GTF2H3: variants seen among roughly 807,000 people sequenced by gnomAD.
GTF2H3 encodes the protein general transcription factor IIH subunit 3.
Under a neutral mutation model 51.1 loss-of-function variants are expected in GTF2H3, and 42 were observed. The ratio of observed to expected loss-of-function variants is 0.82; its 90% CI spans 0.64 to 1.06. GTF2H3 has a LOEUF of 1.06. GTF2H3 is among the 50% of genes least tolerant of loss of function. The pLI, the probability that GTF2H3 is intolerant of heterozygous loss-of-function variation, is 0.00. For missense variants in GTF2H3, 326 were observed against 366.1 expected, an observed-to-expected ratio of 0.89 and a Z score of 0.89; for synonymous variants, 123 against 123.8, an observed-to-expected ratio of 0.99 and a Z score of 0.04.
chr12:123,645,839 G>A (rs550435826), intron 3 of GTF2H3, among the ~76,000 whole-genome samples: 4 of 152,098 alleles, frequency 2.6e-5, no homozygotes, highest in South Asian at 2.1e-4. Flanking sequence ...CTATCAAATC[G>A]GACAGCTACT....
Position 123,655,755 on chromosome 12 carries a change from A to G in GTF2H3, c.562-16A>G. On this transcript the variant is annotated splice_polypyrimidine_tract_variant and intron_variant, in intron 8 of 12. Transcript: ENST00000543341. ...TTGTTATTATTCCTGTAATATTTTC[A>G]AAATGTTTCTTTTAGAATATTTTGA... is the stretch of plus-strand genomic sequence containing the variant. 6.7e-7 allele frequency: 1 copy of G among 1,500,666 alleles called. No individual in the cohort carries two copies. Among genetic ancestry groups the G allele is most frequent in the Non-Finnish European group, 9.3e-7 (1 of 1,078,184 alleles). The allele number at this position is 1,500,666 out of a possible 1,614,324, so 93.0% of individuals were successfully genotyped here.
At chr12:123,637,093 CATAA>C (rs1277144518) in intron 1 of GTF2H3, among the ~76,000 whole-genome samples, 4 of 152,080 alleles carry the variant, frequency 2.6e-5, no homozygotes, top group Non-Finnish European at 5.9e-5. Flanking sequence ...TTTAAAAATA[CATAA>C]ATAAATAAAT....
intron 1 of GTF2H3, among the ~76,000 whole-genome samples, chr12:123,636,158 TA>T (rs1378709487): frequency 6.6e-6 from 1 of 152,106 alleles, no homozygotes; most frequent in Non-Finnish European, 1.5e-5. Flanking sequence ...CTATTCAATG[TA>T]AAAAACAAGG....
intron 4 of GTF2H3, chr12:123,648,347 C>T (rs1027226556): frequency 3.8e-5 from 14 of 370,744 alleles, no homozygotes; most frequent in Non-Finnish European, 5.7e-5. Context: ...TTGGCTTCTA[C>T]GAATGCCCTG....
Position 123,647,820 on chromosome 12 carries a change from A to T in GTF2H3, c.201-143A>T, listed in dbSNP as rs559527771. ...TAATTTTATCTTACACATTTTTTTT[A>T]AAAAATGAAATTTACCGTGGAATCT... On this transcript the variant is annotated intron_variant, in intron 3 of 12. Coordinates refer to ENST00000543341, the MANE Select transcript of GTF2H3 (RefSeq NM_001516.5). The T allele has an allele frequency of 1.5e-4, 73 of 500,230 alleles. No individual in the cohort carries two copies. The South Asian group carries it at 1.8e-3, about 12-fold the overall frequency. The allele number at this position is 500,230 out of a possible 1,614,324, so 31.0% of individuals were successfully genotyped here.
At chr12:123,654,315 A>T (rs1593810823) in intron 7 of GTF2H3, among the ~76,000 whole-genome samples, 1 of 146,278 alleles carries the variant, frequency 6.8e-6, no homozygotes, top group African/African-American at 2.5e-5. Flanking sequence ...GGGGCTGTGT[A>T]TTTGGTTGTG....
At chr12:123,656,601 T>A (rs961613639) in intron 9 of GTF2H3, among the ~76,000 whole-genome samples, 2 of 152,142 alleles carry the variant, frequency 1.3e-5, no homozygotes, top group African/African-American at 2.4e-5. Context: ...CTGGCAGGCA[T>A]CTTCAGTGTC....
chr12:123,659,504 T>A lies in GTF2H3; in HGVS notation c.616-12T>A, dbSNP rs1482038566. On this transcript the variant is annotated splice_polypyrimidine_tract_variant and intron_variant, in intron 9 of 12. Coordinates refer to ENST00000543341, the MANE Select transcript of GTF2H3 (RefSeq NM_001516.5). ...AGTGCGAGTTTGGCAGCAAGCCGCC[T>A]GTGTCTTGCAGGCTTGTGACATCAC... The A allele has an allele frequency of 3.7e-6, 6 of 1,613,746 alleles. No individual in the cohort carries two copies. The highest frequency in any genetic ancestry group is 5.1e-6 in the Non-Finnish European group (6 of 1,179,746).
intron 3 of GTF2H3, among the ~76,000 whole-genome samples, chr12:123,646,255 C>CT (rs34427180): frequency 0.036 from 4,869 of 135,776 alleles, 107 homozygotes; most frequent in African/African-American, 0.054. Context: ...TCTTCTATGT[C>CT]TTTTTTTTTT....
At chr12:123,644,598 G>A (rs1955421551) in intron 2 of GTF2H3, among the ~76,000 whole-genome samples, 1 of 151,900 alleles carries the variant, frequency 6.6e-6, no homozygotes, top group African/African-American at 2.4e-5. Context: ...CCCGGGAGTT[G>A]GAGGTTGCAG....
intron 3 of GTF2H3, among the ~76,000 whole-genome samples, chr12:123,647,457 G>A (rs924292862): frequency 6.6e-6 from 1 of 151,972 alleles, no homozygotes; most frequent in Non-Finnish European, 1.5e-5. Flanking sequence ...GGGCGACACA[G>A]CGAGACTGTG....
chr12:123,638,100 C>T (rs993316999), intron 1 of GTF2H3, among the ~76,000 whole-genome samples: 2 of 151,582 alleles, frequency 1.3e-5, no homozygotes, highest in African/African-American at 2.4e-5. Context: ...CGGTCTCAAG[C>T]GATCCTCTCT....
intron 8 of GTF2H3, chr12:123,655,536 G>A: frequency 2.2e-6 from 1 of 456,774 alleles, no homozygotes; most frequent in Non-Finnish European, 3.9e-6. Flanking sequence ...AAAAGAGCCT[G>A]GACTTTGGAG....
intron 5 of GTF2H3, among the ~76,000 whole-genome samples, chr12:123,651,910 C>T (rs1477160316): frequency 2.6e-5 from 4 of 151,874 alleles, no homozygotes; most frequent in African/African-American, 9.7e-5. Context: ...GTCTTTCTGC[C>T]TTCAGGAAAC....
chr12:123,644,748 G>A (rs143891816), intron 2 of GTF2H3, among the ~76,000 whole-genome samples: 265 of 152,142 alleles, frequency 1.7e-3, no homozygotes, highest in Admixed American at 2.6e-3. Context: ...TATACCAGAC[G>A]TACAGTAGTG....
chr12:123,636,338 C>T (rs1040992510), intron 1 of GTF2H3, among the ~76,000 whole-genome samples: 10 of 152,084 alleles, frequency 6.6e-5, no homozygotes, highest in South Asian at 2.1e-4. Flanking sequence ...AAAGAGTTTG[C>T]GCTGGTTTGG....
At chr12:123,646,198 C>T (rs1390538569) in intron 3 of GTF2H3, among the ~76,000 whole-genome samples, 1 of 151,548 alleles carries the variant, frequency 6.6e-6, no homozygotes, top group Non-Finnish European at 1.5e-5. Context: ...ATTTACTTCT[C>T]ACATTATGCA....
intron 1 of GTF2H3, among the ~76,000 whole-genome samples, chr12:123,636,860 T>C (rs1593791186): frequency 6.6e-6 from 1 of 151,664 alleles, no homozygotes; most frequent in African/African-American, 2.4e-5. Flanking sequence ...GAGGTTGCGG[T>C]GAGCCGAGAT....
intron 7 of GTF2H3, among the ~76,000 whole-genome samples, chr12:123,653,488 CGTCTCTA>C (rs2135795041): frequency 6.6e-6 from 1 of 152,008 alleles, no homozygotes; most frequent in Non-Finnish European, 1.5e-5. Context: ...GGTGAAACCC[CGTCTCTA>C]GTACAAATAC....
Sources: gnomAD v4.1 joint callset for allele counts (sites outside exome capture counted in the v4.1 genomes callset) on GRCh38, gnomAD v4.1.1 for gene constraint, MANE v1.5 for transcripts, NCBI Gene and HGNC (gene_info 2026-07-23, HGNC 2026-07-21) for gene names.